The following DPP8 variants were observed in gnomAD, a reference collection of about 807,000 sequenced individuals.
DPP8 encodes DPP VIII.
In DPP8, 31 loss-of-function variants were observed where a neutral mutation model predicts 107.5. That is an observed-to-expected ratio of 0.29 (90% CI 0.22 to 0.39). The LOEUF (loss-of-function observed/expected upper bound fraction) is 0.39. DPP8 is among the 10% of genes least tolerant of loss of function. DPP8 has a pLI of 1.00. For missense variants in DPP8, 842 were observed against 1,076.1 expected, an observed-to-expected ratio of 0.78 and a Z score of 3.04; for synonymous variants, 381 against 356.6, an observed-to-expected ratio of 1.07 and a Z score of -0.77.
chr15:65,466,610 T>C (rs1447123656), intron 14 of DPP8, 68 bp downstream of exon 14: 5 of 1,387,588 alleles, frequency 3.6e-6, no homozygotes, highest in African/African-American at 1.4e-5. Context: ...TGTGAAAATA[T>C]GACACACGTT....
At chr15:65,484,642 T>C (rs531637101) in intron 8 of DPP8, among the ~76,000 whole-genome samples, 12 of 148,434 alleles carry the variant, frequency 8.1e-5, no homozygotes, top group African/African-American at 2.5e-4. Context: ...CTGTTAAACC[T>C]TGGCTCTTAA....
At chr15:65,505,354 CAAA>C (rs11311748) in intron 3 of DPP8, among the ~76,000 whole-genome samples, 2 of 143,588 alleles carry the variant, frequency 1.4e-5, no homozygotes, top group Admixed American at 6.9e-5. Flanking sequence ...GACTCTGTCT[CAAA>C]AAAAAAAAAA....
At chr15:65,501,323 G>A (rs1446781117) in intron 3 of DPP8, among the ~76,000 whole-genome samples, 1 of 152,084 alleles carries the variant, frequency 6.6e-6, no homozygotes, top group Non-Finnish European at 1.5e-5. Flanking sequence ...GATGATTACT[G>A]TATACATTAG....
At chr15:65,460,261 G>A (rs916815405) in intron 15 of DPP8, among the ~76,000 whole-genome samples, 10 of 151,906 alleles carry the variant, frequency 6.6e-5, no homozygotes, top group Admixed American at 2.6e-4. Context: ...GGCTAACATG[G>A]TGAAACCCTG....
At chr15:65,478,825 C>T (rs759106954) in intron 11 of DPP8, 55 bp downstream of exon 11, 141 of 1,294,062 alleles carry the variant, frequency 1.1e-4, no homozygotes, top group Non-Finnish European at 1.4e-4. Flanking sequence ...CCCTGTCCCT[C>T]CCACCTTCTG....
chr15:65,515,615 C>T lies in DPP8; in HGVS notation c.-12+1871G>A, dbSNP rs756139131. 5 of 1,590,676 alleles carry T rather than the reference C, an allele frequency of 3.1e-6. No homozygotes were observed. The South Asian group carries it at 4.4e-5, about 14-fold the overall frequency. Reference sequence around the variant, plus strand: ...CAGCACAGTGCATATATTTCACTGCCCCACCTACCTCGTCACTTAAGTAGT... The same window carrying T: ...CAGCACAGTGCATATATTTCACTGCTCCACCTACCTCGTCACTTAAGTAGT... On this transcript the variant is annotated intron_variant, in intron 1 of 19. Transcript: ENST00000300141.
At chr15:65,454,745 G>A (rs2064263488) in intron 16 of DPP8, among the ~76,000 whole-genome samples, 1 of 152,066 alleles carries the variant, frequency 6.6e-6, no homozygotes, top group African/African-American at 2.4e-5. Context: ...GGCTAGTCTC[G>A]AACTCCTGAC....
intron 1 of DPP8, chr15:65,515,672 C>T: frequency 6.2e-7 from 1 of 1,613,994 alleles, no homozygotes; most frequent in South Asian, 1.1e-5. Flanking sequence ...TTATTTTCAT[C>T]TGCTCAGATC....
chr15:65,479,036 G>A lies in DPP8; in HGVS notation c.1300C>T (p.His434Tyr). The change falls in exon 11 of 20, where the codon CAT becomes TAT. Residue 434 changes from histidine (H) to tyrosine (Y), a missense_variant. His to Tyr is a moderately conservative substitution (Grantham distance 83). Coordinates refer to ENST00000300141, the MANE Select transcript of DPP8 (RefSeq NM_130434.5). Reference protein sequence around the residue: ...EETTDIWINIHDIFHVFPQSH... With the variant: ...EETTDIWINIYDIFHVFPQSH... ...TGGGGAAAAACATGAAAGATGTCAT[G>A]GATCTGTAAAATGAATAGCTAAATT... is the stretch of plus-strand genomic sequence containing the variant. The A allele has an allele frequency of 6.4e-7, 1 of 1,563,306 alleles. No individual in the cohort carries two copies. The highest frequency in any genetic ancestry group is 8.6e-7 in the Non-Finnish European group (1 of 1,158,468).
intron 3 of DPP8, among the ~76,000 whole-genome samples, chr15:65,506,709 A>T (rs1047104794): frequency 6.7e-6 from 1 of 148,968 alleles, no homozygotes; most frequent in Non-Finnish European, 1.5e-5. Flanking sequence ...TATATTATAC[A>T]TATATAAACA....
chr15:65,449,218 AAAAAAT>A (rs2063784829), intron 19 of DPP8, among the ~76,000 whole-genome samples: 1 of 146,262 alleles, frequency 6.8e-6, no homozygotes, highest in African/African-American at 2.5e-5. Flanking sequence ...TCAAAAAGAA[AAAAAAT>A]AAAAATAAAT....
intron 2 of DPP8, among the ~76,000 whole-genome samples, chr15:65,508,776 C>T (rs990922886): frequency 6.6e-6 from 1 of 151,796 alleles, no homozygotes; most frequent in Non-Finnish European, 1.5e-5. Context: ...CACTTGAACC[C>T]GGGAGGCAGA....
chr15:65,447,616 G>A (rs1023584600), intron 19 of DPP8, among the ~76,000 whole-genome samples: 1 of 152,198 alleles, frequency 6.6e-6, no homozygotes, highest in South Asian at 2.1e-4. Flanking sequence ...TCAAAGAAAA[G>A]TACTAGTGTG....
At chr15:65,505,084 G>A (rs1596115767) in intron 3 of DPP8, among the ~76,000 whole-genome samples, 2 of 152,052 alleles carry the variant, frequency 1.3e-5, no homozygotes, top group South Asian at 2.1e-4. Flanking sequence ...GGCCGGGCGC[G>A]GTGGCTCACA....
chr15:65,497,844 T>A lies in DPP8; in HGVS notation c.715+20A>T. The A allele has an allele frequency of 7.0e-7, 1 of 1,429,360 alleles. No individual in the cohort carries two copies. Among genetic ancestry groups the A allele is most frequent in the Non-Finnish European group, 9.3e-7 (1 of 1,077,202 alleles). The allele number at this position is 1,429,360 out of a possible 1,614,324, so 88.5% of individuals were successfully genotyped here. On this transcript the variant is annotated intron_variant, in intron 5 of 19. Coordinates refer to ENST00000300141, the MANE Select transcript of DPP8 (RefSeq NM_130434.5). ...AAAAAATACTGTTCAGAAAAGTAAATCTGAAGAACTACGCCTTACCATTGT... is the reference window on the plus strand; with the variant it reads ...AAAAAATACTGTTCAGAAAAGTAAAACTGAAGAACTACGCCTTACCATTGT...
intron 5 of DPP8, among the ~76,000 whole-genome samples, chr15:65,492,348 G>GA (rs1329447579): frequency 2.0e-5 from 3 of 150,794 alleles, no homozygotes; most frequent in Non-Finnish European, 3.0e-5. Flanking sequence ...TCTCAAAAAA[G>GA]AAAAAAAAGG....
intron 13 of DPP8, 83 bp downstream of exon 13, chr15:65,466,988 C>T: frequency 6.5e-7 from 1 of 1,538,706 alleles, no homozygotes; most frequent in Non-Finnish European, 8.8e-7. Context: ...TTTTGCAGGC[C>T]AATTTCACAT....
intron 19 of DPP8, 27 bp from the exon 20 acceptor site, chr15:65,447,033 C>CAAAA: frequency 8.5e-7 from 1 of 1,178,288 alleles, no homozygotes; most frequent in Non-Finnish European, 1.1e-6. Context: ...AATAAAGATA[C>CAAAA]AAAAAAAAAA....
intron 1 of DPP8, chr15:65,517,054 C>G (rs903807623): frequency 2.0e-5 from 3 of 152,956 alleles, no homozygotes; most frequent in African/African-American, 2.4e-5. Context: ...AGACCACCAG[C>G]TGAAAAACCA....
Sources: allele counts gnomAD v4.1 joint callset (sites outside exome capture counted in the v4.1 genomes callset), GRCh38; gene constraint gnomAD v4.1.1; transcripts MANE v1.5; gene names NCBI Gene and HGNC (gene_info 2026-07-23, HGNC 2026-07-21).